The following CAPN6 variants were observed in gnomAD, a reference collection of about 807,000 sequenced individuals.
CAPN6 encodes calpain 6, also known as calpain-6.
Under a neutral mutation model 46.0 loss-of-function variants are expected in CAPN6, and 16 were observed. The ratio of observed to expected loss-of-function variants is 0.35; its 90% CI spans 0.24 to 0.53. The LOEUF (loss-of-function observed/expected upper bound fraction) is 0.53, where lower values mean the gene tolerates loss of function less well. Ranked by LOEUF, CAPN6 falls within the 20% of genes least tolerant of loss-of-function variation. The probability of loss-of-function intolerance (pLI) is 0.94; values close to 1 mark genes in which losing one functional copy is unlikely to be tolerated. For synonymous variants in CAPN6, 206 were observed against 172.8 expected, an observed-to-expected ratio of 1.19 and a Z score of -1.51; for missense variants, 461 against 498.0, an observed-to-expected ratio of 0.93 and a Z score of 0.71.
chrX:111,269,634 G>A (rs777968908), intron 1 of CAPN6, among the ~76,000 whole-genome samples: 1 of 112,093 alleles, frequency 8.9e-6, no homozygotes, highest in South Asian at 3.8e-4. Flanking sequence ...AAGTGGTCCA[G>A]TGAAGACCCT....
Position 111,254,308 on chromosome X carries a change from A to T in CAPN6, c.261T>A (p.Phe87Leu). 8.3e-7 allele frequency: 1 copy of T among 1,208,859 alleles called. No individual in the cohort carries two copies. Among genetic ancestry groups the T allele is most frequent in the Non-Finnish European group, 1.1e-6 (1 of 893,094 alleles). Residue 87 changes from phenylalanine (F) to leucine (L), a missense_variant, in exon 3 of 13, where the codon TTT becomes TTA. Physicochemically the swap from Phe to Leu is conservative, Grantham distance 22. Transcript: ENST00000324068. ...RLGHKPMVSA[F>L]SCLAVQESHW... ...GAGACTCCTGAACAGCCAAACAGGA[A>T]AATGCAGAAACCATTGGCTTGTGCC...
chrX:111,256,079 T>C (rs770366714), intron 2 of CAPN6, among the ~76,000 whole-genome samples: 4 of 111,799 alleles, frequency 3.6e-5, no homozygotes, highest in African/African-American at 1.3e-4. Context: ...TGTTTTCATT[T>C]TATTTTGAGC....
In CAPN6 at chrX:111,246,595, A is replaced by C. The variant is rs1208259217; in HGVS notation, c.1908T>G (p.Asp636Glu). The C allele has an allele frequency of 1.7e-6, 2 of 1,210,619 alleles. No individual in the cohort carries two copies. Among genetic ancestry groups the C allele is most frequent in the South Asian group, 3.5e-5 (2 of 56,726 alleles). ...TGCAGATTTAGAGCTCAGTGAGATCATCGCTGGAAATAACCTTGAAGCTGA... is the reference window on the plus strand; with the variant it reads ...TGCAGATTTAGAGCTCAGTGAGATCCTCGCTGGAAATAACCTTGAAGCTGA... ...GHISFKVISS[D>E]DLTEL Residue 636 changes from aspartate to glutamate, a missense_variant, in exon 13 of 13, where the codon GAT (aspartate) becomes GAG (glutamate). Asp to Glu is a conservative substitution (Grantham distance 45). Transcript: ENST00000324068.
chrX:111,255,285 G>A (rs2094982861), intron 2 of CAPN6, among the ~76,000 whole-genome samples: 1 of 112,370 alleles, frequency 8.9e-6, no homozygotes, highest in Non-Finnish European at 1.9e-5. Context: ...GTCAGAATAG[G>A]ATTCATAGTG....
chrX:111,256,632 G>A (rs2094983995), intron 2 of CAPN6, among the ~76,000 whole-genome samples: 1 of 111,150 alleles, frequency 9.0e-6, no homozygotes, highest in Non-Finnish European at 1.9e-5. Flanking sequence ...AACACTTTTG[G>A]CATGTCAACT....
chrX:111,265,287 T>A lies in CAPN6; in HGVS notation c.-15-1336A>T, dbSNP rs752517228. On this transcript the variant is annotated intron_variant, in intron 1 of 12. Coordinates refer to ENST00000324068, the MANE Select transcript of CAPN6 (RefSeq NM_014289.4). ...ATTTGAAAACCATAACAATTTTTAA[T>A]TTAAATGTTTGCAATGTTATTACAA... 8.9e-5 allele frequency among the ~76,000 whole-genome samples: 10 copies of A among 112,754 alleles called. No individual in the cohort carries two copies. The South Asian group carries it at 3.7e-3, about 41-fold the overall frequency.
In CAPN6 at chrX:111,252,374, T is replaced by G; in HGVS notation, c.632A>C (p.Lys211Thr). 2.5e-6 allele frequency: 3 copies of G among 1,209,539 alleles called. No individual in the cohort carries two copies. The highest frequency in any genetic ancestry group is 3.4e-6 in the Non-Finnish European group (3 of 893,577). Residue 211 changes from lysine to threonine, a missense_variant, in exon 5 of 13, where the codon AAG (lysine) becomes ACG (threonine). Transcript: ENST00000324068. The stretch of plus-strand genomic sequence containing the variant: ...GTACAGTTCTCCGAATAGCTTGTAC[T>G]TCTCCTCAACAAGCTCAGTGTATCT... ...KGRYTELVEE[K>T]YKLFGELYKT... is the part of the protein sequence containing the mutation.
intron 8 of CAPN6, 125 bp downstream of exon 8, chrX:111,250,792 A>T: frequency 1.6e-6 from 1 of 639,766 alleles, no homozygotes; most frequent in Non-Finnish European, 2.4e-6. Flanking sequence ...CTGGTTGTTG[A>T]ATATTACACA....
At position 111,251,740 on chromosome X, in the gene CAPN6, A is replaced by G; in HGVS notation, c.702T>C (p.Ser234=). ...KGGLICCSIE[S]PNQEEQEVET... Reference sequence around the variant, plus strand: ...CAACTTCTTGCTCCTCCTGATTGGGAGACTGAGAGCAAAGAAAGATATATA... The same window carrying G: ...CAACTTCTTGCTCCTCCTGATTGGGGGACTGAGAGCAAAGAAAGATATATA... The change falls in exon 6 of 13, where the codon TCT becomes TCC. Residue 234 remains serine, a splice_region_variant and synonymous_variant. Coordinates refer to ENST00000324068, the MANE Select transcript of CAPN6 (RefSeq NM_014289.4). 1 of 1,201,014 alleles carries G rather than the reference A, an allele frequency of 8.3e-7. No individual in the cohort carries two copies. The highest frequency in any genetic ancestry group is 1.1e-6 in the Non-Finnish European group (1 of 886,786).
At chrX:111,251,409 G>T in intron 6 of CAPN6, 123 bp from the exon 7 acceptor site, 1 of 914,553 alleles carries the variant, frequency 1.1e-6, no homozygotes, top group Non-Finnish European at 1.6e-6. Context: ...TTTCATCTGC[G>T]GCTGGGTCAC....
Position 111,252,504 on chromosome X carries a change from G to A in CAPN6, c.507-5C>T, listed in dbSNP as rs2094980469. 8.4e-7 allele frequency: 1 copy of A among 1,184,932 alleles called. No individual in the cohort carries two copies. The highest frequency in any genetic ancestry group is 1.9e-5 in the South Asian group (1 of 52,207). On this transcript the variant is annotated splice_polypyrimidine_tract_variant and splice_region_variant and intron_variant, in intron 4 of 12. Coordinates refer to ENST00000324068, the MANE Select transcript of CAPN6 (RefSeq NM_014289.4). ...GCCTCATAACAGCCTAGCAGCCTGA[G>A]GGCAAGTATGCAAGGTTATCTTTGT...
rs1315463593 is a variant in CAPN6 at position 111,270,357 on chromosome X, C to G, written c.-16+14G>C. 3.1e-6 allele frequency: 1 copy of G among 321,238 alleles called. No individual in the cohort carries two copies. Among genetic ancestry groups the G allele is most frequent in the Non-Finnish European group, 6.1e-6 (1 of 165,255 alleles). The allele number at this position is 321,238 out of a possible 1,213,427, so 26.5% of individuals were successfully genotyped here. On this transcript the variant is annotated intron_variant, in intron 1 of 12. Transcript: ENST00000324068. ...AAACTCCAGGGTAAGTTTGCGAATT[C>G]CCTCTCTACTCACCTGAGTTATCCC...
chrX:111,250,496 G>A (rs2094978306), intron 8 of CAPN6, among the ~76,000 whole-genome samples: 1 of 111,105 alleles, frequency 9.0e-6, no homozygotes, highest in African/African-American at 3.3e-5. Flanking sequence ...AGAGTCATCT[G>A]CATTAGAAAG....
At chrX:111,249,078 C>T in intron 8 of CAPN6, 21 bp from the exon 9 acceptor site, 5 of 1,204,744 alleles carry the variant, frequency 4.2e-6, no homozygotes, top group Non-Finnish European at 5.6e-6. Context: ...GAGACCACCA[C>T]AGAGGTGAGT....
rs962499683 is a variant in CAPN6 at position 111,245,103 on chromosome X, T to C, written c.*1474A>G. ...ATCAATTCAAGTCAAGACTGATCAATGTACTGAATATGAACTTTATTGTGA... is the reference window on the plus strand; with the variant it reads ...ATCAATTCAAGTCAAGACTGATCAACGTACTGAATATGAACTTTATTGTGA... On this transcript the variant is annotated 3_prime_UTR_variant, in exon 13 of 13. Transcript: ENST00000324068. The C allele has an allele frequency of 1.8e-5, 2 of 112,422 alleles. No homozygotes were observed. Among genetic ancestry groups the C allele is most frequent in the Non-Finnish European group, 3.8e-5 (2 of 53,296 alleles). The allele number at this position is 112,422 out of a possible 1,213,427, so 9.3% of individuals were successfully genotyped here. A position where few individuals can be genotyped will look rare whatever the true frequency, so the allele number is the denominator to read the frequency against.
rs17879028 is a variant in CAPN6, at chrX:111,256,050, T to G, written c.166-1647A>C. On this transcript the variant is annotated intron_variant, in intron 2 of 12. Coordinates refer to ENST00000324068, the MANE Select transcript of CAPN6 (RefSeq NM_014289.4). Reference sequence around the variant, plus strand: ...TTTCTAAAATGAAACTAAGCACAGTTTTTCCTCCCCAGGTCAGGTGTTTTC... The same window carrying G: ...TTTCTAAAATGAAACTAAGCACAGTGTTTCCTCCCCAGGTCAGGTGTTTTC... Among the ~76,000 whole-genome samples, 373 of 111,815 alleles carry G rather than the reference T, an allele frequency of 3.3e-3. 3 individuals are homozygous for G. The highest frequency in any genetic ancestry group is 0.012 in the African/African-American group (355 of 30,750).
Position 111,253,169 on chromosome X carries a change from TTC to T in CAPN6, c.343_344del (p.Glu115LysfsTer18). 8.3e-7 allele frequency: 1 copy of T among 1,211,509 alleles called. No individual in the cohort carries two copies. Among genetic ancestry groups the T allele is most frequent in the Non-Finnish European group, 1.1e-6 (1 of 895,116 alleles). On this transcript the variant is annotated frameshift_variant, in exon 4 of 13. Coordinates refer to ENST00000324068, the MANE Select transcript of CAPN6 (RefSeq NM_014289.4). LOFTEE classifies it high-confidence loss of function. ...GAAAGTGAAATATCCCAGCGTATTT[TTC>T]TGTTTTTTGAGGGTCCCATTCCTGT... is the stretch of plus-strand genomic sequence containing the variant. ...KEQEWDPQKT[E>X]KYAGIFHFRF...
rs200129429 is a variant in CAPN6, at chrX:111,251,749, G to A, written c.700-7C>T. On this transcript the variant is annotated splice_region_variant and splice_polypyrimidine_tract_variant and intron_variant, in intron 5 of 12. Transcript: ENST00000324068. ...GCTCCTCCTGATTGGGAGACTGAGA[G>A]CAAAGAAAGATATATAAAGGCACAG... 1.7e-6 allele frequency: 2 copies of A among 1,192,744 alleles called. No homozygotes were observed. Among genetic ancestry groups the A allele is most frequent in the East Asian group, 3.0e-5 (1 of 33,592 alleles).
chrX:111,260,114 A>G (rs1017362267), intron 2 of CAPN6, among the ~76,000 whole-genome samples: 3 of 112,566 alleles, frequency 2.7e-5, no homozygotes, highest in Non-Finnish European at 5.6e-5. Context: ...AGAAATTAAG[A>G]AGAACTTTCC....
Sources: allele counts gnomAD v4.1 joint callset (sites outside exome capture counted in the v4.1 genomes callset), GRCh38; gene constraint gnomAD v4.1.1; transcripts MANE v1.5; gene names NCBI Gene and HGNC (gene_info 2026-07-23, HGNC 2026-07-21).